The following RIMS2 variants were observed in gnomAD, a reference collection of about 807,000 sequenced individuals.
The protein encoded by RIMS2 is regulating synaptic membrane exocytosis 2.
In RIMS2, 59 loss-of-function variants were observed where a neutral mutation model predicts 174.4. The ratio of observed to expected loss-of-function variants is 0.34; its 90% CI spans 0.27 to 0.42. The LOEUF is 0.42. Among genes scored for constraint, RIMS2 ranks in the 10% least tolerant of loss-of-function variants. The pLI is 1.00. For synonymous variants in RIMS2, 606 were observed against 572.5 expected (o/e 1.06, Z -0.84); for missense variants, 1,620 against 1,666.3 (o/e 0.97, Z 0.48).
chr8:103,595,889 C>A (rs1236499625), intron 1 of RIMS2, among the ~76,000 whole-genome samples: 2 of 151,868 alleles, frequency 1.3e-5, no homozygotes, highest in South Asian at 4.1e-4. Context: ...TATGAATAAA[C>A]AGCGGGAGGT....
intron 19 of RIMS2, among the ~76,000 whole-genome samples, chr8:104,167,853 T>C (rs2098806877): frequency 6.6e-6 from 1 of 151,864 alleles, no homozygotes; most frequent in African/African-American, 2.4e-5. Flanking sequence ...TTATATAAGG[T>C]GAGAGGACCC....
At chr8:103,608,329 T>C (rs1431409124) in intron 1 of RIMS2, among the ~76,000 whole-genome samples, 1 of 143,436 alleles carries the variant, frequency 7.0e-6, no homozygotes, top group Non-Finnish European at 1.5e-5. Flanking sequence ...GGGACCCACT[T>C]GAGGAGGCAG....
intron 1 of RIMS2, among the ~76,000 whole-genome samples, chr8:103,603,483 C>T (rs2094870383): frequency 6.6e-6 from 1 of 151,476 alleles, no homozygotes; most frequent in Admixed American, 6.6e-5. Context: ...TTTATAGCAG[C>T]ATGATTTAGA....
At chr8:104,108,657 T>C (rs2098122229) in intron 19 of RIMS2, among the ~76,000 whole-genome samples, 1 of 152,166 alleles carries the variant, frequency 6.6e-6, no homozygotes, top group African/African-American at 2.4e-5. Context: ...GCAGGATTTT[T>C]AGATATAATG....
intron 1 of RIMS2, among the ~76,000 whole-genome samples, chr8:103,530,386 A>T (rs1048718736): frequency 5.3e-5 from 8 of 152,174 alleles, no homozygotes; most frequent in East Asian, 1.9e-4. Context: ...GCAAGTAGTA[A>T]AACAGTAGAT....
Position 103,749,102 on chromosome 8 carries a change from T to C in RIMS2, c.388-17125T>C, listed in dbSNP as rs373700759. 9.7e-4 allele frequency among the ~76,000 whole-genome samples: 134 copies of C among 137,980 alleles called. 1 individual carries two copies. Among genetic ancestry groups the C allele is most frequent in the African/African-American group, 3.4e-3 (128 of 37,834 alleles). 90.5% of individuals were successfully genotyped at this position (137,980 alleles called of 152,430 possible). On this transcript the variant is annotated intron_variant, in intron 2 of 23. Coordinates refer to ENST00000504942, the Ensembl canonical transcript of RIMS2. ...GCATTAGCCACCGTGCCTGGCCATATGCTTTCTATTTTTTTTTTTTCTTTT... is the reference window on the plus strand; with the variant it reads ...GCATTAGCCACCGTGCCTGGCCATACGCTTTCTATTTTTTTTTTTTCTTTT...
At position 103,907,755 on chromosome 8, in the gene RIMS2, G is replaced by GT. The variant is rs556948859; in HGVS notation, c.1625-2369dup. On this transcript the variant is annotated intron_variant, in intron 4 of 23. Coordinates refer to ENST00000504942, the Ensembl canonical transcript of RIMS2. ...ATTTTATTTTATTTTTATTTTTTAT[G>GT]TTTTTTTTTTGAGACGGAGTCGCTC... Among the ~76,000 whole-genome samples the GT allele has an allele frequency of 6.7e-3, 975 of 146,390 alleles. 9 individuals are homozygous for GT. Among genetic ancestry groups the GT allele is most frequent in the Middle Eastern group, 0.018 (5 of 284 alleles).
At chr8:104,060,578 G>T (rs1178515530) in intron 19 of RIMS2, among the ~76,000 whole-genome samples, 1 of 150,844 alleles carries the variant, frequency 6.6e-6, no homozygotes, top group Non-Finnish European at 1.5e-5. Context: ...CTTCAGTTCT[G>T]CTCTGATTTT....
At chr8:104,166,270 G>C (rs2098797566) in intron 19 of RIMS2, among the ~76,000 whole-genome samples, 1 of 151,476 alleles carries the variant, frequency 6.6e-6, no homozygotes, top group African/African-American at 2.4e-5. Flanking sequence ...GTTTCACTGT[G>C]TTAGCCAGGA....
intron 17 of RIMS2, 144 bp from the exon 20 acceptor site, chr8:104,013,298 C>A: frequency 1.7e-6 from 1 of 584,372 alleles, no homozygotes; most frequent in Non-Finnish European, 2.8e-6. Context: ...TGAAATTGCT[C>A]AGAATATGTT....
intron 19 of RIMS2, among the ~76,000 whole-genome samples, chr8:104,239,338 T>C (rs1206390896): frequency 2.0e-5 from 3 of 152,208 alleles, no homozygotes; most frequent in Non-Finnish European, 2.9e-5. Flanking sequence ...CGAGGACACC[T>C]GTGTTCTTCC....
At chr8:103,624,874 C>A (rs1477410452) in intron 1 of RIMS2, among the ~76,000 whole-genome samples, 1 of 151,962 alleles carries the variant, frequency 6.6e-6, no homozygotes, top group Non-Finnish European at 1.5e-5. Flanking sequence ...TTTACAGATA[C>A]ATACATACAT....
At chr8:103,849,565 G>T (rs2098986286) in intron 3 of RIMS2, among the ~76,000 whole-genome samples, 1 of 151,954 alleles carries the variant, frequency 6.6e-6, no homozygotes, top group Non-Finnish European at 1.5e-5. Context: ...TTTGAAGCAA[G>T]GGTGGCCAAC....
At chr8:104,083,679 T>C (rs1255022754) in intron 19 of RIMS2, among the ~76,000 whole-genome samples, 1 of 152,114 alleles carries the variant, frequency 6.6e-6, no homozygotes. Flanking sequence ...ACTGGGTGCA[T>C]TGGTTTAGAT....
chr8:103,950,089 T>G (rs950149143), intron 14 of RIMS2, among the ~76,000 whole-genome samples: 3 of 152,062 alleles, frequency 2.0e-5, no homozygotes, highest in Non-Finnish European at 2.9e-5. Flanking sequence ...AGAAATAACT[T>G]GAGTAGCCCA....
chr8:103,519,258 C>T lies in RIMS2; in HGVS notation c.176+18196C>T, dbSNP rs567151039. Among the ~76,000 whole-genome samples, 15 of 152,110 alleles carry T rather than the reference C, an allele frequency of 9.9e-5. No homozygotes were observed. The South Asian group carries it at 3.1e-3, about 32-fold the overall frequency. On this transcript the variant is annotated intron_variant, in intron 1 of 23. Coordinates refer to ENST00000504942, the Ensembl canonical transcript of RIMS2. ...AGTGTTGCTTTCATTTTAAAATCAC[C>T]TTTGGAAGTAATTCAGACAACATTA...
chr8:103,757,692 T>A (rs1228570005), intron 2 of RIMS2, among the ~76,000 whole-genome samples: 2 of 152,178 alleles, frequency 1.3e-5, no homozygotes, highest in African/African-American at 4.8e-5. Flanking sequence ...ACAGTAAAGA[T>A]CTTGAGATAG....
intron 3 of RIMS2, among the ~76,000 whole-genome samples, chr8:103,774,156 T>C (rs555012268): frequency 6.6e-6 from 1 of 152,230 alleles, no homozygotes; most frequent in South Asian, 2.1e-4. Context: ...AATAAATAAG[T>C]AAATATTAAA....
intron 3 of RIMS2, among the ~76,000 whole-genome samples, chr8:103,812,343 T>TTTG (rs2098693574): frequency 1.4e-5 from 2 of 140,168 alleles, no homozygotes; most frequent in South Asian, 4.8e-4. Context: ...TTTTTTTTTT[T>TTTG]TTTTTTTTTT....
Sources: allele counts gnomAD v4.1 joint callset (sites outside exome capture counted in the v4.1 genomes callset), GRCh38; gene constraint gnomAD v4.1.1; transcripts MANE v1.5; gene names NCBI Gene and HGNC (gene_info 2026-07-23, HGNC 2026-07-21).